CACNA1C: variants seen among roughly 807,000 people sequenced by gnomAD.
CACNA1C encodes the protein voltage-dependent L-type calcium channel subunit alpha-1C.
CACNA1C carries 30 observed loss-of-function variants against 229.0 expected under a neutral mutation model. The observed-to-expected ratio is 0.13, with a 90% confidence interval of 0.10 to 0.18. The LOEUF is 0.18. Among genes scored for constraint, CACNA1C ranks in the 10% least tolerant of loss-of-function variants. CACNA1C has a pLI of 1.00. For missense variants in CACNA1C, 1,658 were observed against 2,845.0 expected (o/e 0.58, Z 9.49); for synonymous variants, 1,114 against 1,132.5 (o/e 0.98, Z 0.33).
At chr12:2,045,666 G>T (rs2050916784) in intron 1 of CACNA1C, among the ~76,000 whole-genome samples, 1 of 152,052 alleles carries the variant, frequency 6.6e-6, no homozygotes, top group African/African-American at 2.4e-5. Flanking sequence ...GAGAGAAAGA[G>T]GTTGCTAAAG....
chr12:1,997,867 G>A (rs2041303364), intron 1 of CACNA1C: 3 of 1,274,750 alleles, frequency 2.4e-6, no homozygotes, highest in Non-Finnish European at 3.4e-6. Context: ...ACTTGAAGAA[G>A]AGTGACACAA....
At chr12:2,374,350 C>T (rs925031444) in intron 3 of CACNA1C, among the ~76,000 whole-genome samples, 3 of 152,200 alleles carry the variant, frequency 2.0e-5, no homozygotes, top group Non-Finnish European at 4.4e-5. Flanking sequence ...CCATTTTCTG[C>T]TTTGGTGTTA....
At chr12:2,508,384 G>T (rs1159529502) in intron 8 of CACNA1C, among the ~76,000 whole-genome samples, 1 of 152,252 alleles carries the variant, frequency 6.6e-6, no homozygotes, top group African/African-American at 2.4e-5. Flanking sequence ...GCGCATGGTG[G>T]CTCATGCCTA....
intron 30 of CACNA1C, among the ~76,000 whole-genome samples, chr12:2,635,626 A>C (rs2092459284): frequency 6.7e-6 from 1 of 149,910 alleles, no homozygotes; most frequent in Non-Finnish European, 1.5e-5. Context: ...CTTCCAGATT[A>C]GAGACCCCTG....
At chr12:2,117,993 A>T (rs1037999073) in intron 2 of CACNA1C, among the ~76,000 whole-genome samples, 4 of 152,230 alleles carry the variant, frequency 2.6e-5, no homozygotes, top group African/African-American at 9.6e-5. Context: ...CTTAAAAAGT[A>T]ATCTGGGCCT....
At position 2,630,535 on chromosome 12, in the gene CACNA1C, A is replaced by G. The variant is rs1359934053; in HGVS notation, c.3829-3762A>G. 9.2e-5 allele frequency among the ~76,000 whole-genome samples: 14 copies of G among 151,944 alleles called. No homozygotes were observed. Among genetic ancestry groups the G allele is most frequent in the East Asian group, 5.8e-4 (3 of 5,158 alleles). ...AGTGGGAGGAGGGGACAAAGGGGCA[A>G]TGGGGATGGAGGCCTGAAAGCTGGC... On this transcript the variant is annotated intron_variant, in intron 29 of 46. Coordinates refer to ENST00000399655, the MANE Select transcript of CACNA1C (RefSeq NM_000719.7). This position sits in a 1 kb window ranked among gnomAD's most constrained non-coding sequence, Gnocchi z 5.4.
intron 5 of CACNA1C, 111 bp downstream of exon 5, chr12:2,457,817 G>A: frequency 2.0e-6 from 2 of 1,021,278 alleles, no homozygotes; most frequent in Non-Finnish European, 1.3e-6. Context: ...TATAAATGGA[G>A]GGGTTTTTGT....
At chr12:2,517,994 G>A (rs377264476) in intron 9 of CACNA1C, among the ~76,000 whole-genome samples, 2 of 152,198 alleles carry the variant, frequency 1.3e-5, no homozygotes, top group South Asian at 2.1e-4. Flanking sequence ...GGATGAGCAC[G>A]TAAACAGACA....
intron 13 of CACNA1C, among the ~76,000 whole-genome samples, chr12:2,578,267 C>T (rs974212453): frequency 2.6e-5 from 4 of 152,166 alleles, no homozygotes; most frequent in African/African-American, 9.7e-5. Flanking sequence ...TGACGTCTGC[C>T]AAAGAACCTG....
chr12:2,125,368 C>T (rs1332582339), intron 3 of CACNA1C, among the ~76,000 whole-genome samples: 1 of 152,152 alleles, frequency 6.6e-6, no homozygotes, highest in African/African-American at 2.4e-5. Flanking sequence ...GTAGTAGGTG[C>T]ATGACAACTG....
At chr12:2,505,537 C>T (rs1344667399) in intron 8 of CACNA1C, among the ~76,000 whole-genome samples, 2 of 152,140 alleles carry the variant, frequency 1.3e-5, no homozygotes, top group Non-Finnish European at 2.9e-5. Context: ...TGGTGGTGCA[C>T]ACCTGTAGAC....
At chr12:2,208,762 CATCCTCTTTTGTCCCA>C (rs1453417979) in intron 3 of CACNA1C, among the ~76,000 whole-genome samples, 2 of 152,194 alleles carry the variant, frequency 1.3e-5, no homozygotes, top group Non-Finnish European at 2.9e-5. Context: ...GTAGGCTATC[CATCCTCTTTTGTCCCA>C]ATCCAGGAAA....
intron 3 of CACNA1C, among the ~76,000 whole-genome samples, chr12:2,261,102 A>G (rs1027475368): frequency 6.6e-6 from 1 of 152,010 alleles, no homozygotes; most frequent in African/African-American, 2.4e-5. Context: ...TGTGGTGGCA[A>G]GCACCTGTAG....
chr12:2,256,349 A>G (rs1367802991), intron 3 of CACNA1C, among the ~76,000 whole-genome samples: 2 of 152,192 alleles, frequency 1.3e-5, no homozygotes. Flanking sequence ...TTAAACACAT[A>G]ATTGGAACTG....
intron 9 of CACNA1C, among the ~76,000 whole-genome samples, chr12:2,529,204 C>T (rs930460302): frequency 1.2e-4 from 18 of 152,206 alleles, no homozygotes; most frequent in African/African-American, 4.3e-4. Context: ...CCTTCAAAGC[C>T]CCATCAACCA....
At chr12:2,049,123 T>C (rs182685336), upstream of CACNA1C, 9 of 152,380 alleles carry the variant, frequency 5.9e-5, no homozygotes, top group Admixed American at 4.6e-4. Flanking sequence ...ATATTGTTCA[T>C]GTCTATGTAG....
chr12:2,345,362 G>A (rs887971331), intron 3 of CACNA1C, among the ~76,000 whole-genome samples: 1 of 152,066 alleles, frequency 6.6e-6, no homozygotes, highest in African/African-American at 2.4e-5. Flanking sequence ...CAGGAGCCCT[G>A]GAAGGAGGGC....
At chr12:2,396,592 C>T (rs1297518189) in intron 3 of CACNA1C, among the ~76,000 whole-genome samples, 1 of 152,204 alleles carries the variant, frequency 6.6e-6, no homozygotes, top group Non-Finnish European at 1.5e-5. Flanking sequence ...GATCCCAAAA[C>T]TTAGGGCCCT....
At position 2,264,071 on chromosome 12, in the gene CACNA1C, G is replaced by A. The variant is rs539589242; in HGVS notation, c.477+143641G>A. Among the ~76,000 whole-genome samples, 17 of 152,274 alleles carry A rather than the reference G, an allele frequency of 1.1e-4. No homozygotes were observed. The South Asian group carries it at 3.3e-3, about 30-fold the overall frequency. On this transcript the variant is annotated intron_variant, in intron 3 of 46. Coordinates refer to ENST00000399655, the MANE Select transcript of CACNA1C (RefSeq NM_000719.7). Reference sequence around the variant, plus strand: ...CCTGGGGTATCCACCCCTCCACCCCGGTGGTGCTGCAGAGCCCCTGTTGCA... The same window carrying A: ...CCTGGGGTATCCACCCCTCCACCCCAGTGGTGCTGCAGAGCCCCTGTTGCA...
Sources: allele counts gnomAD v4.1 joint callset (sites outside exome capture counted in the v4.1 genomes callset), GRCh38; gene constraint gnomAD v4.1.1; non-coding constraint Gnocchi (gnomAD v3.1); transcripts MANE v1.5; gene names NCBI Gene and HGNC (gene_info 2026-07-23, HGNC 2026-07-21).